STAG1: variants seen among roughly 807,000 people sequenced by gnomAD.
The protein encoded by STAG1 is STAG1 cohesin complex component, also known as cohesin subunit SA-1.
A neutral mutation model predicts 170.9 loss-of-function variants in STAG1; 26 were observed. The observed-to-expected ratio is 0.15, with a 90% CI of 0.11 to 0.21. The LOEUF is 0.21. STAG1 is among the 10% of genes least tolerant of loss of function. The pLI is 1.00. For missense variants in STAG1, 964 were observed against 1,509.5 expected (o/e 0.64, Z 5.99); for synonymous variants, 514 against 497.7 (o/e 1.03, Z -0.44).
chr3:136,533,461 G>A (rs560217117), intron 6 of STAG1, among the ~76,000 whole-genome samples: 1 of 152,170 alleles, frequency 6.6e-6, no homozygotes, highest in Non-Finnish European at 1.5e-5. Flanking sequence ...CTCAGGTTCT[G>A]GAAGCTGTAT....
At chr3:136,721,660 C>G (rs1360272024) in intron 1 of STAG1, among the ~76,000 whole-genome samples, 2 of 151,654 alleles carry the variant, frequency 1.3e-5, no homozygotes, top group East Asian at 3.9e-4. Flanking sequence ...GAGGCTGAGG[C>G]GGGCGGATCA....
chr3:136,590,739 G>C (rs763203565), intron 4 of STAG1, among the ~76,000 whole-genome samples: 1 of 152,046 alleles, frequency 6.6e-6, no homozygotes, highest in Non-Finnish European at 1.5e-5. Flanking sequence ...TCTCTAAAGG[G>C]GTTCAATGAT....
chr3:136,381,224 G>C (rs143682851), intron 22 of STAG1, among the ~76,000 whole-genome samples: 2 of 152,180 alleles, frequency 1.3e-5, no homozygotes, highest in Admixed American at 6.5e-5. Context: ...GATAGCAACA[G>C]ATGTGTCAGA....
At chr3:136,621,993 A>G (rs1390593782) in intron 3 of STAG1, among the ~76,000 whole-genome samples, 116 of 57,098 alleles carry the variant, frequency 2.0e-3, no homozygotes, top group Admixed American at 7.4e-3. Flanking sequence ...GGTGGTGTGG[A>G]AAAAAAAAAA....
intron 12 of STAG1, among the ~76,000 whole-genome samples, chr3:136,466,818 A>T (rs577977674): frequency 1.3e-4 from 20 of 152,306 alleles, no homozygotes; most frequent in South Asian, 6.2e-4. Flanking sequence ...GCAGAAACTG[A>T]ACAAGCCAGA....
intron 1 of STAG1, among the ~76,000 whole-genome samples, chr3:136,654,988 C>T (rs1472827754): frequency 4.6e-5 from 7 of 152,128 alleles, no homozygotes; most frequent in Non-Finnish European, 8.8e-5. Flanking sequence ...CAAAAGTTAA[C>T]TCAAATGGAT....
At chr3:136,443,878 C>T (rs2088701883) in intron 14 of STAG1, among the ~76,000 whole-genome samples, 1 of 152,194 alleles carries the variant, frequency 6.6e-6, no homozygotes, top group Non-Finnish European at 1.5e-5. Context: ...GTTACTCCAT[C>T]TCTCCACTAT....
At chr3:136,707,505 T>C (rs1271433966) in intron 1 of STAG1, among the ~76,000 whole-genome samples, 1 of 152,230 alleles carries the variant, frequency 6.6e-6, no homozygotes, top group African/African-American at 2.4e-5. Context: ...TTACAAACTT[T>C]AGAATAGGGT....
chr3:136,706,885 T>C (rs1025790655), intron 1 of STAG1, among the ~76,000 whole-genome samples: 3 of 152,152 alleles, frequency 2.0e-5, no homozygotes, highest in Non-Finnish European at 2.9e-5. Context: ...TGGAATAGAA[T>C]GAGAGTTCAA....
In STAG1 at chr3:136,728,776, T is replaced by C. The variant is rs116048600; in HGVS notation, c.-84+23419A>G. ...CATTAAACAGCACTATATCAAACTA[T>C]AGGATAGTTAAAATGCCTGGTGAGA... On this transcript the variant is annotated intron_variant, in intron 1 of 33. Transcript: ENST00000383202. 6.3e-3 allele frequency among the ~76,000 whole-genome samples: 958 copies of C among 152,306 alleles called. 12 individuals are homozygous for C. Among genetic ancestry groups the C allele is most frequent in the Non-Finnish European group, 5.2e-3 (353 of 68,020 alleles).
intron 1 of STAG1, among the ~76,000 whole-genome samples, chr3:136,683,700 G>A (rs1942420018): frequency 6.6e-6 from 1 of 152,094 alleles, no homozygotes; most frequent in African/African-American, 2.4e-5. Context: ...AGCTAATGCA[G>A]TAAGATATGA....
intron 1 of STAG1, among the ~76,000 whole-genome samples, chr3:136,658,941 C>T (rs1941482675): frequency 6.6e-6 from 1 of 152,170 alleles, no homozygotes; most frequent in African/African-American, 2.4e-5. Context: ...CCAAATACCC[C>T]TAAGAATGAG....
intron 31 of STAG1, among the ~76,000 whole-genome samples, chr3:136,340,983 A>T (rs1935945402): frequency 1.3e-5 from 2 of 152,112 alleles, no homozygotes; most frequent in Admixed American, 1.3e-4. Context: ...ATCTTGACTC[A>T]CTACAACCTC....
chr3:136,672,672 G>C lies in STAG1; in HGVS notation c.-83-41691C>G, dbSNP rs1294085155. On this transcript the variant is annotated intron_variant, in intron 1 of 33. Coordinates refer to ENST00000383202, the MANE Select transcript of STAG1 (RefSeq NM_005862.3). ...GTACTTAGAACATGATAAGCATTTA[G>C]CCAATGTTTTAACCACTCCACTCCA... Among the ~76,000 whole-genome samples, 3 of 152,072 alleles carry C rather than the reference G, an allele frequency of 2.0e-5. No individual in the cohort carries two copies. In the East Asian group the frequency reaches 5.8e-4, roughly 29 times the overall value.
chr3:136,507,111 A>G (rs1308878386), intron 7 of STAG1, among the ~76,000 whole-genome samples: 7 of 152,270 alleles, frequency 4.6e-5, no homozygotes, highest in Admixed American at 4.6e-4. Context: ...ACTGAGGCAC[A>G]GATCAGCTAA....
intron 4 of STAG1, among the ~76,000 whole-genome samples, chr3:136,581,317 T>C (rs1937586831): frequency 6.6e-6 from 1 of 152,238 alleles, no homozygotes; most frequent in African/African-American, 2.4e-5. Context: ...TACTCTTCAT[T>C]TCCAGAATTT....
intron 13 of STAG1, among the ~76,000 whole-genome samples, chr3:136,455,307 C>T (rs773622612): frequency 5.9e-5 from 9 of 152,178 alleles, no homozygotes; most frequent in Non-Finnish European, 1.2e-4. Context: ...GAGAAACCCT[C>T]TGGGCCCACA....
intron 1 of STAG1, among the ~76,000 whole-genome samples, chr3:136,635,854 C>T (rs996834385): frequency 6.6e-6 from 1 of 152,090 alleles, no homozygotes; most frequent in Non-Finnish European, 1.5e-5. Context: ...AAATGAAAAA[C>T]ACAGTATCAT....
intron 3 of STAG1, among the ~76,000 whole-genome samples, chr3:136,615,295 A>G (rs1257141003): frequency 6.6e-6 from 1 of 152,082 alleles, no homozygotes. Flanking sequence ...TGAACAGGGA[A>G]ATACAATAAA....
Sources: allele counts gnomAD v4.1 joint callset (sites outside exome capture counted in the v4.1 genomes callset), GRCh38; gene constraint gnomAD v4.1.1; transcripts MANE v1.5; gene names NCBI Gene and HGNC (gene_info 2026-07-23, HGNC 2026-07-21).